The following ZFHX3 variants were observed in gnomAD, a reference collection of about 807,000 sequenced individuals.
ZFHX3 encodes the protein zinc finger homeobox 3.
A neutral mutation model predicts 279.1 loss-of-function variants in ZFHX3; 42 were observed. The observed-to-expected ratio is 0.15, with a 90% CI of 0.12 to 0.19. ZFHX3 has a LOEUF of 0.19. ZFHX3 is among the 10% of genes least tolerant of loss of function. The probability of loss-of-function intolerance (pLI) is 1.00; values close to 1 mark genes in which losing one functional copy is unlikely to be tolerated. For missense variants in ZFHX3, 4,981 were observed against 4,754.0 expected (o/e 1.05, Z -1.40); for synonymous variants, 2,293 against 1,957.8 (o/e 1.17, Z -4.52).
chr16:73,828,178 T>C (rs1207594805), intron 1 of ZFHX3, among the ~76,000 whole-genome samples: 1 of 69,086 alleles, frequency 1.4e-5, no homozygotes, highest in Non-Finnish European at 2.7e-5. Context: ...TTGTCTCTTT[T>C]GATCTTTGTT....
intron 2 of ZFHX3, among the ~76,000 whole-genome samples, chr16:73,471,198 G>A (rs1308708817): frequency 6.6e-6 from 1 of 152,160 alleles, no homozygotes; most frequent in African/African-American, 2.4e-5. Flanking sequence ...TTGCTCTTAG[G>A]ATGTGTAACT....
chr16:73,473,358 C>CA (rs1300049292), intron 2 of ZFHX3, among the ~76,000 whole-genome samples: 59 of 43,158 alleles, frequency 1.4e-3, no homozygotes, highest in Middle Eastern at 0.023. Context: ...AAAAAAAAAA[C>CA]AAAAAAAAAA....
At chr16:72,881,124 T>A (rs1373500916) in intron 4 of ZFHX3, among the ~76,000 whole-genome samples, 1 of 152,232 alleles carries the variant, frequency 6.6e-6, no homozygotes, top group Non-Finnish European at 1.5e-5. Flanking sequence ...GAGGAGGAGC[T>A]GAGCATGGTC....
At chr16:73,127,511 A>C in intron 7 of ZFHX3, 4 of 1,305,490 alleles carry the variant, frequency 3.1e-6, no homozygotes, top group Non-Finnish European at 4.0e-6. Flanking sequence ...GGATGGGGGA[A>C]GAAGAGAGCC....
intron 1 of ZFHX3, among the ~76,000 whole-genome samples, chr16:73,860,956 A>T (rs1961866829): frequency 6.6e-6 from 1 of 152,000 alleles, no homozygotes; most frequent in African/African-American, 2.4e-5. Context: ...CTATGATGGA[A>T]ATAACACTGC....
chr16:73,488,885 C>G (rs796097115), intron 2 of ZFHX3, among the ~76,000 whole-genome samples: 1 of 152,102 alleles, frequency 6.6e-6, no homozygotes, highest in Non-Finnish European at 1.5e-5. Context: ...ATTTAGTGAC[C>G]CTGGGCAATT....
chr16:73,026,192 C>CAAAAAAAAAAA lies in ZFHX3; in HGVS notation c.-50+21549_-50+21559dup, dbSNP rs60146795. Among the ~76,000 whole-genome samples the CAAAAAAAAAAA allele has an allele frequency of 4.6e-4, 22 of 47,486 alleles. 1 individual carries two copies. Among genetic ancestry groups the CAAAAAAAAAAA allele is most frequent in the Admixed American group, 6.8e-4 (2 of 2,936 alleles). 31.2% of individuals were successfully genotyped at this position (47,486 alleles called of 152,430 possible). On this transcript the variant is annotated intron_variant, in intron 1 of 9. Coordinates refer to ENST00000268489, the MANE Select transcript of ZFHX3 (RefSeq NM_006885.4). ...CAAAACCCCATCTCTACAAAAAATA[C>CAAAAAAAAAAA]AAAAAAAAAAAAAAAAAAAAAAAAA...
At chr16:73,372,437 C>T (rs61445415) in intron 3 of ZFHX3, among the ~76,000 whole-genome samples, 2,281 of 152,168 alleles carry the variant, frequency 0.015, 68 homozygotes, top group African/African-American at 0.051. Context: ...TGCCAGAAAA[C>T]GTATTTGAAT....
chr16:73,873,684 T>C (rs1209867878), intron 1 of ZFHX3, among the ~76,000 whole-genome samples: 3 of 152,194 alleles, frequency 2.0e-5, no homozygotes, highest in Non-Finnish European at 4.4e-5. Context: ...TAAATATACA[T>C]GGAAATTGTG....
At chr16:73,196,752 A>G (rs962971526) in intron 5 of ZFHX3, among the ~76,000 whole-genome samples, 7 of 152,182 alleles carry the variant, frequency 4.6e-5, no homozygotes, top group Non-Finnish European at 1.0e-4. Flanking sequence ...TGTAGGTGGC[A>G]CTTAAAAAAT....
At chr16:73,265,107 GTGTA>G (rs1408352188) in intron 4 of ZFHX3, among the ~76,000 whole-genome samples, 10 of 151,234 alleles carry the variant, frequency 6.6e-5, no homozygotes, top group South Asian at 6.3e-4. Flanking sequence ...GTGTGTGTGT[GTGTA>G]TATAACAGTT....
intron 1 of ZFHX3, among the ~76,000 whole-genome samples, chr16:73,774,719 C>T (rs926888328): frequency 2.6e-5 from 4 of 152,134 alleles, no homozygotes; most frequent in Non-Finnish European, 5.9e-5. Flanking sequence ...CTGAGTACAA[C>T]CTCGGTTTAT....
At chr16:73,232,980 G>C (rs1283475137) in intron 5 of ZFHX3, 1 of 151,948 alleles carries the variant, frequency 6.6e-6, no homozygotes, top group Non-Finnish European at 1.5e-5. Flanking sequence ...GGGTGTGTTT[G>C]CGTGGATATG....
At chr16:72,874,630 C>T (rs2038259877) in intron 4 of ZFHX3, among the ~76,000 whole-genome samples, 1 of 152,076 alleles carries the variant, frequency 6.6e-6, no homozygotes, top group Non-Finnish European at 1.5e-5. Context: ...GACTGCCCTC[C>T]TCCCAAGGCT....
chr16:73,383,736 C>T lies in ZFHX3; in HGVS notation c.-1290-65400G>A, dbSNP rs114659198. On this transcript the variant is annotated intron_variant, in intron 3 of 17. Transcript: ENST00000641206. ...CAACTCTGCCCCTCACAGCTGCATCCGGCCAAATTGAGGATGCTCTATTCT... is the reference window on the plus strand; with the variant it reads ...CAACTCTGCCCCTCACAGCTGCATCTGGCCAAATTGAGGATGCTCTATTCT... 4.6e-3 allele frequency among the ~76,000 whole-genome samples: 707 copies of T among 152,234 alleles called. 4 individuals are homozygous for T. The highest frequency in any genetic ancestry group is 0.014 in the African/African-American group (597 of 41,548).
chr16:73,742,566 T>C (rs140282813), intron 1 of ZFHX3, among the ~76,000 whole-genome samples: 1 of 152,288 alleles, frequency 6.6e-6, no homozygotes, highest in African/African-American at 2.4e-5. Flanking sequence ...TACAAAGACT[T>C]CTTGGAGGGG....
chr16:73,240,021 TTGTGTG>T (rs113010649), intron 5 of ZFHX3, among the ~76,000 whole-genome samples: 20,410 of 146,978 alleles, frequency 0.14, 2,158 homozygotes, highest in East Asian at 0.41. Flanking sequence ...GAACCTTATT[TTGTGTG>T]TGTGTGTGTG....
At chr16:73,344,032 G>C (rs1471726704) in intron 3 of ZFHX3, among the ~76,000 whole-genome samples, 1 of 152,158 alleles carries the variant, frequency 6.6e-6, no homozygotes, top group Non-Finnish European at 1.5e-5. Context: ...AAACTAGTAG[G>C]TGAATGTTTG....
At chr16:73,636,685 A>G (rs911223654) in intron 2 of ZFHX3, among the ~76,000 whole-genome samples, 4 of 152,212 alleles carry the variant, frequency 2.6e-5, no homozygotes, top group African/African-American at 9.6e-5. Context: ...AAATGTATTT[A>G]AAATGTATTA....
Sources: gnomAD v4.1 joint callset for allele counts (sites outside exome capture counted in the v4.1 genomes callset) on GRCh38, gnomAD v4.1.1 for gene constraint, MANE v1.5 for transcripts, NCBI Gene and HGNC (gene_info 2026-07-23, HGNC 2026-07-21) for gene names.